MACROD2: variants seen among roughly 807,000 people sequenced by gnomAD.
The protein encoded by MACROD2 is mono-ADP ribosylhydrolase 2.
Under a neutral mutation model 70.4 loss-of-function variants are expected in MACROD2, and 36 were observed. That is an observed-to-expected ratio of 0.51 (90% CI 0.39 to 0.68). The LOEUF (loss-of-function observed/expected upper bound fraction) is 0.68. Among genes scored for constraint, MACROD2 ranks in the 30% least tolerant of loss-of-function variants. The probability of loss-of-function intolerance (pLI) is 0.00; values close to 1 mark genes in which losing one functional copy is unlikely to be tolerated. For synonymous variants in MACROD2, 172 were observed against 178.8 expected (o/e 0.96, Z 0.30); for missense variants, 496 against 538.4 (o/e 0.92, Z 0.78).
Position 14,952,256 on chromosome 20 carries a change from G to A in MACROD2, c.418+267297G>A, listed in dbSNP as rs567195337. 2.0e-5 allele frequency among the ~76,000 whole-genome samples: 3 copies of A among 152,176 alleles called. No homozygotes were observed. The South Asian group carries it at 6.2e-4, about 32-fold the overall frequency. ...TGCTGAGCATGTCTCACATAGGCCT[G>A]ATGCTGTTTAATTACATGAGTTGGA... On this transcript the variant is annotated intron_variant, in intron 5 of 17. Coordinates refer to ENST00000684519, the MANE Select transcript of MACROD2 (RefSeq NM_001351661.2).
intron 3 of MACROD2, among the ~76,000 whole-genome samples, chr20:14,421,538 C>T (rs1171660423): frequency 6.6e-6 from 1 of 152,050 alleles, no homozygotes; most frequent in Non-Finnish European, 1.5e-5. Flanking sequence ...TAGTCTTTTT[C>T]TTTTGTTTTG....
chr20:14,409,948 A>C (rs1041312029), intron 3 of MACROD2, among the ~76,000 whole-genome samples: 2 of 152,126 alleles, frequency 1.3e-5, no homozygotes, highest in Admixed American at 6.6e-5. Flanking sequence ...CGTCCTGTGT[A>C]GGTAGACATG....
intron 3 of MACROD2, among the ~76,000 whole-genome samples, chr20:14,167,520 A>T (rs2055284657): frequency 6.6e-6 from 1 of 151,470 alleles, no homozygotes; most frequent in South Asian, 2.1e-4. Flanking sequence ...AGTAGCTGGA[A>T]TTACAGGCGC....
At chr20:15,196,981 A>AT (rs1047868942) in intron 5 of MACROD2, 132 of 985,224 alleles carry the variant, frequency 1.3e-4, no homozygotes, top group Non-Finnish European at 1.5e-4. Context: ...CAAAGAGCAC[A>AT]TTTTTTGGAA....
At chr20:14,402,156 G>C (rs1451125424) in intron 3 of MACROD2, among the ~76,000 whole-genome samples, 1 of 152,144 alleles carries the variant, frequency 6.6e-6, no homozygotes, top group Admixed American at 6.6e-5. Flanking sequence ...CTCATGCTCA[G>C]TGTCTTCTGG....
chr20:16,036,066 T>A (rs2067231307), intron 15 of MACROD2, among the ~76,000 whole-genome samples: 1 of 151,966 alleles, frequency 6.6e-6, no homozygotes, highest in African/African-American at 2.4e-5. Flanking sequence ...AGTTGGAACA[T>A]AGGTATGGCA....
chr20:15,180,399 C>G lies in MACROD2; in HGVS notation c.419-49541C>G, dbSNP rs374976076. Reference sequence around the variant, plus strand: ...TAATTATGGTGCCTGTGCACCCAGACAAATTGTGGTACAAAATCTAAACTT... The same window carrying G: ...TAATTATGGTGCCTGTGCACCCAGAGAAATTGTGGTACAAAATCTAAACTT... On this transcript the variant is annotated intron_variant, in intron 5 of 17. Coordinates refer to ENST00000684519, the MANE Select transcript of MACROD2 (RefSeq NM_001351661.2). 3.9e-5 allele frequency among the ~76,000 whole-genome samples: 6 copies of G among 152,352 alleles called. No homozygotes were observed. The South Asian group carries it at 1.2e-3, about 32-fold the overall frequency.
chr20:14,158,533 G>C (rs2055137273), intron 3 of MACROD2, among the ~76,000 whole-genome samples: 1 of 152,046 alleles, frequency 6.6e-6, no homozygotes, highest in South Asian at 2.1e-4. Flanking sequence ...TTTTCCTTAT[G>C]TTTTCTTCTA....
intron 5 of MACROD2, among the ~76,000 whole-genome samples, chr20:15,206,885 C>T (rs1472438142): frequency 4.6e-5 from 7 of 150,718 alleles, no homozygotes; most frequent in Non-Finnish European, 7.4e-5. Flanking sequence ...TACAGGCGCC[C>T]GCCACCGCGC....
chr20:15,819,395 T>C (rs1298280264), intron 8 of MACROD2, among the ~76,000 whole-genome samples: 1 of 143,142 alleles, frequency 7.0e-6, no homozygotes, highest in Admixed American at 7.2e-5. Flanking sequence ...ATAACATATA[T>C]AAAATATTTA....
chr20:14,244,136 T>A (rs1225818919), intron 3 of MACROD2, among the ~76,000 whole-genome samples: 1 of 152,238 alleles, frequency 6.6e-6, no homozygotes, highest in Admixed American at 6.5e-5. Context: ...TTTGAAATAC[T>A]GATATTGTCT....
At chr20:14,695,813 G>A (rs1168211567) in intron 5 of MACROD2, among the ~76,000 whole-genome samples, 1 of 152,188 alleles carries the variant, frequency 6.6e-6, no homozygotes, top group Non-Finnish European at 1.5e-5. Context: ...GAAAGACCCT[G>A]AGCCAGAGGC....
intron 3 of MACROD2, among the ~76,000 whole-genome samples, chr20:14,146,134 A>G (rs2054939790): frequency 1.3e-5 from 2 of 152,110 alleles, no homozygotes; most frequent in African/African-American, 4.8e-5. Context: ...CATCCTGGCT[A>G]ACACGGTGAA....
chr20:15,357,457 T>C (rs1298872519), intron 6 of MACROD2, among the ~76,000 whole-genome samples: 1 of 152,192 alleles, frequency 6.6e-6, no homozygotes, highest in Non-Finnish European at 1.5e-5. Flanking sequence ...AGTGTTCCTA[T>C]TGTGGCAGGT....
chr20:14,596,412 CATATATAT>C (rs5840627), intron 4 of MACROD2, among the ~76,000 whole-genome samples: 3 of 143,030 alleles, frequency 2.1e-5, no homozygotes, highest in African/African-American at 5.2e-5. Context: ...ATTTTTTAAA[CATATATAT>C]ATATATATAT....
intron 10 of MACROD2, among the ~76,000 whole-genome samples, chr20:15,896,821 C>T (rs976156964): frequency 2.6e-5 from 4 of 152,044 alleles, no homozygotes; most frequent in Non-Finnish European, 5.9e-5. Flanking sequence ...TTTGGTTTCA[C>T]ACACTCAACA....
intron 5 of MACROD2, among the ~76,000 whole-genome samples, chr20:14,861,895 G>A (rs1393794394): frequency 1.5e-5 from 2 of 136,634 alleles, no homozygotes; most frequent in East Asian, 4.2e-4. Context: ...CATACTTATG[G>A]TATTATGCTC....
intron 5 of MACROD2, among the ~76,000 whole-genome samples, chr20:14,844,027 G>A (rs544507670): frequency 1.3e-5 from 2 of 152,106 alleles, no homozygotes; most frequent in East Asian, 3.9e-4. Context: ...TGCCTCTTAT[G>A]CTTCTTCTCT....
intron 5 of MACROD2, among the ~76,000 whole-genome samples, chr20:15,200,803 T>G (rs903958570): frequency 6.6e-6 from 1 of 152,210 alleles, no homozygotes; most frequent in Admixed American, 6.5e-5. Context: ...ATACATCTTT[T>G]TAACATGCAG....
Sources: gnomAD v4.1 joint callset for allele counts (sites outside exome capture counted in the v4.1 genomes callset) on GRCh38, gnomAD v4.1.1 for gene constraint, MANE v1.5 for transcripts, NCBI Gene and HGNC (gene_info 2026-07-23, HGNC 2026-07-21) for gene names.